PIEZO2: variants seen among roughly 807,000 people sequenced by gnomAD.
PIEZO2 encodes the protein piezo type mechanosensitive ion channel component 2.
Under a neutral mutation model 337.3 loss-of-function variants are expected in PIEZO2, and 172 were observed. The ratio of observed to expected loss-of-function variants is 0.51; its 90% CI spans 0.45 to 0.58. The LOEUF is 0.58. Among genes scored for constraint, PIEZO2 ranks in the 20% least tolerant of loss-of-function variants. The pLI is 0.00. For synonymous variants in PIEZO2, 1,251 were observed against 1,228.5 expected (o/e 1.02, Z -0.38); for missense variants, 3,028 against 3,391.3 (o/e 0.89, Z 2.66).
intron 3 of PIEZO2, among the ~76,000 whole-genome samples, chr18:10,927,429 T>G (rs567544557): frequency 6.6e-6 from 1 of 152,116 alleles, no homozygotes; most frequent in African/African-American, 2.4e-5. Flanking sequence ...ACGCCTTGGC[T>G]CCCCCAGGCC....
At position 10,877,601 on chromosome 18, in the gene PIEZO2, G is replaced by T. The variant is rs753432165; in HGVS notation, c.330-6186C>A. 4.6e-5 allele frequency among the ~76,000 whole-genome samples: 7 copies of T among 152,080 alleles called. No individual in the cohort carries two copies. Among genetic ancestry groups the T allele is most frequent in the Non-Finnish European group, 1.0e-4 (7 of 68,008 alleles). ...CTTCCATTCTCTCACTGAAAGACTG[G>T]AGGAGATTCTGACTTCTAACGTCTC... On this transcript the variant is annotated intron_variant, in intron 4 of 55. Transcript: ENST00000674853. This position sits in a 1 kb window ranked among gnomAD's most constrained non-coding sequence, Gnocchi z 5.3.
In PIEZO2 at chr18:10,803,915, C is replaced by T; in HGVS notation, c.1160G>A (p.Ser387Asn). The change falls in exon 9 of 56, where the codon AGC becomes AAC. Residue 387 changes from serine to asparagine, a missense_variant. By Grantham distance (46) the Ser-to-Asn change is conservative. This residue lies in a region of PIEZO2 where 542 missense variants were observed against 605.6 expected (regional missense o/e 0.89). Transcript: ENST00000674853. ...PIQITAGRRRSLWYATHYPTD... is the reference protein window; with the variant it reads ...PIQITAGRRRNLWYATHYPTD... ...GGGGTAATGGGTTGCGTACCACAGG[C>T]TCCGCCTCCTCCCCGCTGTTATTTG... The T allele has an allele frequency of 6.5e-7, 1 of 1,537,316 alleles. No homozygotes were observed. Among genetic ancestry groups the T allele is most frequent in the Non-Finnish European group, 8.7e-7 (1 of 1,146,930 alleles).
At chr18:11,006,142 C>G (rs73396582) in intron 2 of PIEZO2, among the ~76,000 whole-genome samples, 147 of 152,340 alleles carry the variant, frequency 9.6e-4, no homozygotes, top group African/African-American at 3.3e-3. Flanking sequence ...TGCGAACCAT[C>G]TCCCCAACTG....
Position 10,714,926 on chromosome 18 carries a change from T to C in PIEZO2, c.5261A>G (p.Asn1754Ser), listed in dbSNP as rs1276302017. 5 of 1,537,062 alleles carry C rather than the reference T, an allele frequency of 3.3e-6. No individual in the cohort carries two copies. The highest frequency in any genetic ancestry group is 4.4e-6 in the Non-Finnish European group (5 of 1,146,882). Reference sequence around the variant, plus strand: ...GTGGATGCTCTCCCGAGTTGGAACATTGCCCTGAGGAGAATGAGACATTGC... The same window carrying C: ...GTGGATGCTCTCCCGAGTTGGAACACTGCCCTGAGGAGAATGAGACATTGC... ...CMLTREIKKGNVPTRESIHMY... is the reference protein window; with the variant it reads ...CMLTREIKKGSVPTRESIHMY... Residue 1754 changes from asparagine (N) to serine (S), a missense_variant, in exon 39 of 56, where the codon AAT becomes AGT. Coordinates refer to ENST00000674853, the MANE Select transcript of PIEZO2 (RefSeq NM_001378183.1).
intron 1 of PIEZO2, among the ~76,000 whole-genome samples, chr18:11,139,314 A>G (rs541436094): frequency 1.9e-3 from 292 of 152,340 alleles, no homozygotes; most frequent in South Asian, 4.6e-3. Flanking sequence ...TCAAGATAGT[A>G]CATTTCACCT....
rs1044570267 is a variant in PIEZO2 at position 10,903,216 on chromosome 18, G to A, written c.329+7970C>T. On this transcript the variant is annotated intron_variant, in intron 4 of 55. Transcript: ENST00000674853. The surrounding 1 kb of genome is among the most constrained non-coding windows in gnomAD (Gnocchi z 4.1). Reference sequence around the variant, plus strand: ...CACTCACACTGTCCCTATCTTGGTCGAGACATTATAATCACTCTCCTGAAC... The same window carrying A: ...CACTCACACTGTCCCTATCTTGGTCAAGACATTATAATCACTCTCCTGAAC... 1.3e-5 allele frequency among the ~76,000 whole-genome samples: 2 copies of A among 152,088 alleles called. No individual in the cohort carries two copies. Among genetic ancestry groups the A allele is most frequent in the African/African-American group, 4.8e-5 (2 of 41,394 alleles).
chr18:10,895,627 A>G lies in PIEZO2; in HGVS notation c.329+15559T>C, dbSNP rs1273491516. On this transcript the variant is annotated intron_variant, in intron 4 of 55. Coordinates refer to ENST00000674853, the MANE Select transcript of PIEZO2 (RefSeq NM_001378183.1). The surrounding 1 kb of genome is among the most constrained non-coding windows in gnomAD (Gnocchi z 4.8). ...TGGTGATTGTGGGGTTGCCTCACTC[A>G]GGATTTGCATTGGAGTGATCCTCAG... is the stretch of plus-strand genomic sequence containing the variant. Among the ~76,000 whole-genome samples, 1 of 152,112 alleles carries G rather than the reference A, an allele frequency of 6.6e-6. No individual in the cohort carries two copies. Among genetic ancestry groups the G allele is most frequent in the Non-Finnish European group, 1.5e-5 (1 of 68,024 alleles).
rs2039414052 is a variant in PIEZO2, at chr18:11,101,373, G to A, written c.65-35151C>T. Among the ~76,000 whole-genome samples, 1 of 152,210 alleles carries A rather than the reference G, an allele frequency of 6.6e-6. No individual in the cohort carries two copies. Among genetic ancestry groups the A allele is most frequent in the Admixed American group, 6.5e-5 (1 of 15,288 alleles). On this transcript the variant is annotated intron_variant, in intron 1 of 55. Transcript: ENST00000674853. The surrounding 1 kb of genome is among the most constrained non-coding windows in gnomAD (Gnocchi z 4.4). ...CATGAAGCACTCTCAGAGGGCCCCA[G>A]GAGCAGAAACGGAAGTGGTTCCCTT...
intron 13 of PIEZO2, chr18:10,791,741 A>G: frequency 6.5e-6 from 1 of 152,694 alleles, no homozygotes. Flanking sequence ...CCTTATTTTG[A>G]AGAATTCCGT....
chr18:10,727,862 T>A lies in PIEZO2; in HGVS notation c.5029+3545A>T, dbSNP rs1259288764. 6.6e-6 allele frequency: 1 copy of A among 151,554 alleles called. No individual in the cohort carries two copies. The highest frequency in any genetic ancestry group is 6.6e-5 in the Admixed American group (1 of 15,198). 9.4% of individuals were successfully genotyped at this position (151,554 alleles called of 1,614,324 possible). A position where few individuals can be genotyped will look rare whatever the true frequency, so the allele number is the denominator to read the frequency against. On this transcript the variant is annotated intron_variant, in intron 36 of 55. Coordinates refer to ENST00000674853, the MANE Select transcript of PIEZO2 (RefSeq NM_001378183.1). This position sits in a 1 kb window ranked among gnomAD's most constrained non-coding sequence, Gnocchi z 6.3. Reference sequence around the variant, plus strand: ...AGTCCTAAACCCCTCCTGGACCAGGTGAGGTGCAGAGCGCCTTTTGTGTAA... The same window carrying A: ...AGTCCTAAACCCCTCCTGGACCAGGAGAGGTGCAGAGCGCCTTTTGTGTAA...
intron 3 of PIEZO2, among the ~76,000 whole-genome samples, chr18:10,927,846 G>A (rs1248861991): frequency 1.3e-5 from 2 of 151,960 alleles, no homozygotes; most frequent in Non-Finnish European, 2.9e-5. Context: ...TAGCAGGCTC[G>A]CTTTATTTTA....
chr18:10,871,206 A>C, intron 5 of PIEZO2, 47 bp downstream of exon 5: 2 of 1,501,176 alleles, frequency 1.3e-6, no homozygotes, highest in South Asian at 2.5e-5. Flanking sequence ...ATTAAGGGTC[A>C]AGGTCCTCAG....
chr18:10,699,091 G>A lies in PIEZO2; in HGVS notation c.6528C>T (p.Gly2176=). 6.5e-7 allele frequency: 1 copy of A among 1,537,214 alleles called. No individual in the cohort carries two copies. Among genetic ancestry groups the A allele is most frequent in the South Asian group, 1.2e-5 (1 of 84,060 alleles). Residue 2176 remains glycine, a synonymous_variant, in exon 44 of 56, where the codon GGC becomes GGT. Coordinates refer to ENST00000674853, the MANE Select transcript of PIEZO2 (RefSeq NM_001378183.1). ...TGAGAGAATCGGAGGAGTCCCTCCT[G>A]CCATGACCGAGGGAGAGCTCATCAT... The part of the protein sequence containing the change: ...ESDDELSLGH[G]RRDSSDSLKS...
intron 39 of PIEZO2, among the ~76,000 whole-genome samples, chr18:10,710,823 C>T (rs1457785480): frequency 3.3e-5 from 5 of 152,130 alleles, no homozygotes; most frequent in Non-Finnish European, 5.9e-5. Context: ...AGCATGGCTC[C>T]CTGGAGACTA....
chr18:10,932,624 A>T (rs1332508135), intron 3 of PIEZO2, among the ~76,000 whole-genome samples: 1 of 152,168 alleles, frequency 6.6e-6, no homozygotes, highest in Non-Finnish European at 1.5e-5. Flanking sequence ...AGTTTTAGGA[A>T]GGAAAAGAAA....
intron 28 of PIEZO2, 47 bp downstream of exon 28, chr18:10,752,589 C>G: frequency 1.3e-6 from 2 of 1,524,626 alleles, no homozygotes; most frequent in Non-Finnish European, 1.8e-6. Flanking sequence ...GGACTGTTTA[C>G]TCTTACACGA....
At chr18:10,869,245 C>T (rs1380535412) in intron 5 of PIEZO2, among the ~76,000 whole-genome samples, 1 of 152,164 alleles carries the variant, frequency 6.6e-6, no homozygotes, top group Non-Finnish European at 1.5e-5. Flanking sequence ...GTCTCAGCAT[C>T]ACACACTAGG....
chr18:10,769,966 T>C, intron 21 of PIEZO2, 182 bp downstream of exon 21: 1 of 580,610 alleles, frequency 1.7e-6, no homozygotes. Context: ...GCCACGAGCC[T>C]CTTTCCTTTT....
intron 1 of PIEZO2, among the ~76,000 whole-genome samples, chr18:11,081,760 T>A (rs868247385): frequency 1.1e-4 from 11 of 104,450 alleles, no homozygotes; most frequent in Admixed American, 1.0e-3. Flanking sequence ...TCAACTCAAC[T>A]TTTTTTTTTT....
Sources: gnomAD v4.1 joint callset for allele counts (sites outside exome capture counted in the v4.1 genomes callset) on GRCh38, gnomAD v4.1.1 for gene constraint, gnomAD v4.1.1 regional missense constraint, Gnocchi (gnomAD v3.1) non-coding constraint, MANE v1.5 for transcripts, NCBI Gene and HGNC (gene_info 2026-07-23, HGNC 2026-07-21) for gene names.